The following MST1R variants were observed in gnomAD, a reference collection of about 807,000 sequenced individuals.
The protein encoded by MST1R is macrophage-stimulating protein receptor.
MST1R carries 99 observed loss-of-function variants against 117.8 expected under a neutral mutation model. That is an observed-to-expected ratio of 0.84 (90% CI 0.71 to 0.99). The LOEUF (loss-of-function observed/expected upper bound fraction) is 0.99, where lower values mean the gene tolerates loss of function less well. Ranked by LOEUF, MST1R falls within the 50% of genes least tolerant of loss-of-function variation. MST1R has a pLI of 0.00. For missense variants in MST1R, 1,683 were observed against 1,840.2 expected, an observed-to-expected ratio of 0.91 and a Z score of 1.56; for synonymous variants, 734 against 765.3, an observed-to-expected ratio of 0.96 and a Z score of 0.68.
chr3:49,888,601 CAA>C (rs146209932), intron 19 of MST1R, among the ~76,000 whole-genome samples: 21 of 131,544 alleles, frequency 1.6e-4, no homozygotes, highest in Admixed American at 2.3e-4. Flanking sequence ...GACTCTGTCT[CAA>C]AAAAAAAAAA....
At chr3:49,900,179 C>A (rs578160899) in intron 1 of MST1R, among the ~76,000 whole-genome samples, 2 of 152,298 alleles carry the variant, frequency 1.3e-5, no homozygotes, top group African/African-American at 4.8e-5. Context: ...GCTTCCTATA[C>A]CCCCCTTCAG....
chr3:49,901,929 G>C (rs1045680520), intron 1 of MST1R, among the ~76,000 whole-genome samples: 7 of 148,396 alleles, frequency 4.7e-5, no homozygotes, highest in African/African-American at 1.7e-4. Context: ...GTGCGTGGTG[G>C]TGGTGGTGGT....
Position 49,896,330 on chromosome 3 carries a change from C to T in MST1R, c.2514G>A (p.Val838=), listed in dbSNP as rs1010955602. 2.5e-6 allele frequency: 4 copies of T among 1,614,030 alleles called. No individual in the cohort carries two copies. The African/African-American group carries it at 5.3e-5, about 22-fold the overall frequency. Residue 838 remains valine, a synonymous_variant, in exon 10 of 20, where the codon GTG becomes GTA. Transcript: ENST00000296474. ...EYVVRDPQGW[V]AGNLSARGDG... ...CCCCTCGGGCACTCAGATTCCCTGC[C>T]ACCCATCCCTGGGGGTCTCGGACCA...
chr3:49,888,147 C>T (rs778384764), intron 19 of MST1R, among the ~76,000 whole-genome samples: 13 of 151,728 alleles, frequency 8.6e-5, no homozygotes, highest in Non-Finnish European at 1.6e-4. Flanking sequence ...CAAAAATTAA[C>T]TGGGCAAAGC....
At chr3:49,890,894 C>T (rs1409353049) in intron 17 of MST1R, among the ~76,000 whole-genome samples, 1 of 152,052 alleles carries the variant, frequency 6.6e-6, no homozygotes, top group Non-Finnish European at 1.5e-5. Flanking sequence ...CCTGGCTAAT[C>T]TTTTTGTATT....
At position 49,902,921 on chromosome 3, in the gene MST1R, G is replaced by T. The variant is rs370892965; in HGVS notation, c.689C>A (p.Pro230Gln). The T allele has an allele frequency of 2.7e-5, 43 of 1,613,354 alleles. No homozygotes were observed. Among genetic ancestry groups the T allele is most frequent in the Non-Finnish European group, 3.1e-5 (37 of 1,180,050 alleles). Residue 230 changes from proline (P) to glutamine (Q), a missense_variant, in exon 1 of 20, where the codon CCG becomes CAG. By Grantham distance (76) the Pro-to-Gln change is moderately conservative. Transcript: ENST00000296474. Reference protein sequence around the residue: ...RLKADASGFAPGFVALSVLPK... With the variant: ...RLKADASGFAQGFVALSVLPK... ...CAGCACTGACAACGCCACAAAGCCC[G>T]GTGCGAATCCCGAGGCGTCAGCCTT...
intron 4 of MST1R, 105 bp from the exon 5 acceptor site, chr3:49,898,316 C>T: frequency 6.7e-7 from 1 of 1,499,402 alleles, no homozygotes; most frequent in Non-Finnish European, 9.1e-7. Context: ...CCCCACGCTC[C>T]AGCCATTTGG....
chr3:49,903,867 G>T lies in MST1R; in HGVS notation c.-258C>A. The T allele has an allele frequency of 2.0e-6, 1 of 496,404 alleles. No homozygotes were observed. Among genetic ancestry groups the T allele is most frequent in the Non-Finnish European group, 3.5e-6 (1 of 286,708 alleles). The allele number at this position is 496,404 out of a possible 1,614,324, so 30.7% of individuals were successfully genotyped here. ...CTCACCTGCCGCCCCAGCCGCCGCT[G>T]TACACTGGCGCTTAGCGCTCAGCCG... On this transcript the variant is annotated 5_prime_UTR_variant, in exon 1 of 20. Transcript: ENST00000296474.
chr3:49,902,148 G>A (rs2082699844), intron 1 of MST1R, among the ~76,000 whole-genome samples: 2 of 152,160 alleles, frequency 1.3e-5, no homozygotes, highest in South Asian at 4.1e-4. Flanking sequence ...GTAGGGGAAA[G>A]AGCAAGATGA....
intron 13 of MST1R, 24 bp from the exon 14 acceptor site, chr3:49,895,397 C>T: frequency 6.2e-7 from 1 of 1,614,150 alleles, no homozygotes; most frequent in South Asian, 1.1e-5. Context: ...GAATGAGGAG[C>T]TTGTAGGGAC....
chr3:49,903,118 GAA>G lies in MST1R; in HGVS notation c.490_491del (p.Phe164LeufsTer5). On this transcript the variant is annotated frameshift_variant, in exon 1 of 20. Transcript: ENST00000296474. LOFTEE classifies it high-confidence loss of function. ...CATCGGGCCGGTTATGGTGGGCTGA[GAA>G]GAGGCAGGCTGGCGCTGCCAGATGC... ...AVHLAAPACLFSAHHNRPDDC... is the reference protein window; with the variant it reads ...AVHLAAPACLXSAHHNRPDDC... The G allele has an allele frequency of 3.7e-6, 6 of 1,604,802 alleles. No homozygotes were observed. The highest frequency in any genetic ancestry group is 8.5e-7 in the Non-Finnish European group (1 of 1,180,004).
Position 49,902,805 on chromosome 3 carries a change from C to G in MST1R, c.805G>C (p.Val269Leu), listed in dbSNP as rs145173827. 2 of 1,613,850 alleles carry G rather than the reference C, an allele frequency of 1.2e-6. No individual in the cohort carries two copies. Among genetic ancestry groups the G allele is most frequent in the Non-Finnish European group, 1.7e-6 (2 of 1,180,036 alleles). ...TGCAGGGCACTAGGATCATCTGTCACGCTGGCCGGCTGTACAGTCAGGAAG... is the reference window on the plus strand; with the variant it reads ...TGCAGGGCACTAGGATCATCTGTCAGGCTGGCCGGCTGTACAGTCAGGAAG... ...VYFLTVQPAS[V>L]TDDPSALHTR... The change falls in exon 1 of 20, where the codon GTG becomes CTG. Residue 269 changes from valine (V) to leucine (L), a missense_variant. Coordinates refer to ENST00000296474, the MANE Select transcript of MST1R (RefSeq NM_002447.4).
intron 18 of MST1R, among the ~76,000 whole-genome samples, 177 bp downstream of exon 18, chr3:49,890,308 C>A (rs2082274901): frequency 6.6e-6 from 1 of 152,224 alleles, no homozygotes; most frequent in Admixed American, 6.5e-5. Flanking sequence ...CCAGCCTCCT[C>A]TAGCCCTGGC....
intron 5 of MST1R, 81 bp from the exon 6 acceptor site, chr3:49,897,766 C>A: frequency 6.7e-7 from 1 of 1,502,832 alleles, no homozygotes; most frequent in South Asian, 1.3e-5. Flanking sequence ...CACAGGGCTC[C>A]TCTGAGCCAG....
At position 49,903,126 on chromosome 3, in the gene MST1R, A is replaced by G. The variant is rs2108510347; in HGVS notation, c.484T>C (p.Cys162Arg). 1 of 1,604,432 alleles carries G rather than the reference A, an allele frequency of 6.2e-7. No individual in the cohort carries two copies. The highest frequency in any genetic ancestry group is 1.3e-5 in the African/African-American group (1 of 75,086). Residue 162 changes from cysteine (C) to arginine (R), a missense_variant, in exon 1 of 20, where the codon TGC becomes CGC. Cys to Arg is a radical substitution (Grantham distance 180). Transcript: ENST00000296474. Reference sequence around the variant, plus strand: ...CGGTTATGGTGGGCTGAGAAGAGGCAGGCTGGCGCTGCCAGATGCACGGCT... The same window carrying G: ...CGGTTATGGTGGGCTGAGAAGAGGCGGGCTGGCGCTGCCAGATGCACGGCT... ...GTAVHLAAPA[C>R]LFSAHHNRPD... is the part of the protein sequence containing the mutation.
At chr3:49,899,330 G>T in intron 1 of MST1R, 67 bp from the exon 2 acceptor site, 2 of 1,557,690 alleles carry the variant, frequency 1.3e-6, no homozygotes. Context: ...TGGGGCCTTT[G>T]TCAGTGGCCA....
At chr3:49,894,515 C>A (rs1045564891) in intron 14 of MST1R, among the ~76,000 whole-genome samples, 41 of 152,124 alleles carry the variant, frequency 2.7e-4, no homozygotes, top group African/African-American at 9.6e-4. Flanking sequence ...CTGCAGTGAG[C>A]CATGATTGTG....
Position 49,896,424 on chromosome 3 carries a change from A to G in MST1R, c.2440-20T>C. 6.2e-7 allele frequency: 1 copy of G among 1,608,764 alleles called. No individual in the cohort carries two copies. The highest frequency in any genetic ancestry group is 8.5e-7 in the Non-Finnish European group (1 of 1,176,564). ...CTCACACTGCTGGGACCAATATGAG[A>G]GTGATTAGCCAGGAACCCCACCTGT... On this transcript the variant is annotated intron_variant, in intron 9 of 19. Transcript: ENST00000296474.
At position 49,893,363 on chromosome 3, in the gene MST1R, G is replaced by A. The variant is rs565903582; in HGVS notation, c.3272-1525C>T. On this transcript the variant is annotated intron_variant, in intron 14 of 19. Coordinates refer to ENST00000296474, the MANE Select transcript of MST1R (RefSeq NM_002447.4). The stretch of plus-strand genomic sequence containing the variant: ...TCACGCCTGTAATCCCAGCACTTTG[G>A]GAGATCAAGGCAGGCAGATCACCTG... Among the ~76,000 whole-genome samples the A allele has an allele frequency of 4.2e-4, 64 of 152,020 alleles. No homozygotes were observed. The South Asian group carries it at 7.3e-3, about 17-fold the overall frequency.
Sources: allele counts gnomAD v4.1 joint callset (sites outside exome capture counted in the v4.1 genomes callset), GRCh38; gene constraint gnomAD v4.1.1; transcripts MANE v1.5; gene names NCBI Gene and HGNC (gene_info 2026-07-23, HGNC 2026-07-21).